PDGFD: variants seen among roughly 807,000 people sequenced by gnomAD.
PDGFD encodes platelet-derived growth factor D.
In PDGFD, 30 loss-of-function variants were observed where a neutral mutation model predicts 44.7. The ratio of observed to expected loss-of-function variants is 0.67; its 90% confidence interval spans 0.50 to 0.91. The LOEUF (loss-of-function observed/expected upper bound fraction) is 0.91, where lower values mean the gene tolerates loss of function less well. Among genes scored for constraint, PDGFD ranks in the 40% least tolerant of loss-of-function variants. The probability of loss-of-function intolerance (pLI) is 0.00; values close to 1 mark genes in which losing one functional copy is unlikely to be tolerated. For synonymous variants in PDGFD, 173 were observed against 168.4 expected (o/e 1.03, Z -0.21); for missense variants, 445 against 457.8 (o/e 0.97, Z 0.25).
In PDGFD at chr11:104,162,860, T is replaced by C. The variant is rs143719676; in HGVS notation, c.124+944A>G. 3.3e-5 allele frequency among the ~76,000 whole-genome samples: 5 copies of C among 152,230 alleles called. No homozygotes were observed. In the East Asian group the frequency reaches 9.7e-4, roughly 29 times the overall value. ...ACTTTAAGCAAGCAGGAGAGAAAGA[T>C]ACTGATGTAGGAAAAAACAAGATCC... is the stretch of plus-strand genomic sequence containing the variant. On this transcript the variant is annotated intron_variant, in intron 1 of 6. Coordinates refer to ENST00000393158, the MANE Select transcript of PDGFD (RefSeq NM_025208.5).
intron 1 of PDGFD, among the ~76,000 whole-genome samples, chr11:104,004,747 G>C (rs1262776022): frequency 6.6e-6 from 1 of 151,878 alleles, no homozygotes; most frequent in Non-Finnish European, 1.5e-5. Flanking sequence ...TTTGTGCCTG[G>C]CATTGTTCTA....
At chr11:104,036,277 T>G (rs192992818) in intron 1 of PDGFD, among the ~76,000 whole-genome samples, 1 of 150,544 alleles carries the variant, frequency 6.6e-6, no homozygotes, top group East Asian at 2.0e-4. Context: ...CCAAATCTAT[T>G]AAAAAAAAAT....
chr11:103,917,094 A>C (rs1053763042), intron 6 of PDGFD, among the ~76,000 whole-genome samples: 2 of 151,966 alleles, frequency 1.3e-5, no homozygotes, highest in African/African-American at 4.8e-5. Flanking sequence ...TAAAAAAAAA[A>C]CACACAACAT....
At chr11:103,938,473 G>A (rs1458547669) in intron 5 of PDGFD, among the ~76,000 whole-genome samples, 1 of 152,104 alleles carries the variant, frequency 6.6e-6, no homozygotes, top group Non-Finnish European at 1.5e-5. Context: ...CAAATGAGTA[G>A]GTTGCAAAAA....
chr11:104,001,992 G>A (rs1859626919), intron 1 of PDGFD, among the ~76,000 whole-genome samples: 1 of 152,188 alleles, frequency 6.6e-6, no homozygotes, highest in Non-Finnish European at 1.5e-5. Flanking sequence ...GCTAGACTTT[G>A]TGTGGGAGAC....
intron 3 of PDGFD, among the ~76,000 whole-genome samples, chr11:103,963,286 C>T (rs901632117): frequency 1.3e-5 from 2 of 152,084 alleles, no homozygotes; most frequent in Admixed American, 6.6e-5. Flanking sequence ...GCTTTAACAC[C>T]TCCTATCTCA....
At chr11:103,992,310 A>G (rs186317906) in intron 3 of PDGFD, among the ~76,000 whole-genome samples, 1 of 152,294 alleles carries the variant, frequency 6.6e-6, no homozygotes, top group East Asian at 1.9e-4. Flanking sequence ...TAGGAATGAG[A>G]TACACATCCC....
chr11:104,096,797 T>C (rs944857667), intron 1 of PDGFD, among the ~76,000 whole-genome samples: 1 of 152,134 alleles, frequency 6.6e-6, no homozygotes, highest in Non-Finnish European at 1.5e-5. Flanking sequence ...AAAGAAGATA[T>C]CAATGGTACA....
chr11:103,987,915 T>A (rs1046818173), intron 3 of PDGFD, among the ~76,000 whole-genome samples: 1 of 152,182 alleles, frequency 6.6e-6, no homozygotes, highest in African/African-American at 2.4e-5. Context: ...AAATACTCCA[T>A]GCACATTTTA....
At chr11:104,087,087 G>A (rs911981404) in intron 1 of PDGFD, among the ~76,000 whole-genome samples, 5 of 144,474 alleles carry the variant, frequency 3.5e-5, no homozygotes, top group Admixed American at 1.4e-4. Flanking sequence ...GTGCAGTGGC[G>A]CAATCTCAGC....
chr11:103,956,162 T>C (rs1479383211), intron 3 of PDGFD, among the ~76,000 whole-genome samples: 1 of 151,408 alleles, frequency 6.6e-6, no homozygotes, highest in Non-Finnish European at 1.5e-5. Flanking sequence ...GCTGCACCCA[T>C]TAACTCGTCA....
At chr11:104,111,459 T>C (rs1459051974) in intron 1 of PDGFD, among the ~76,000 whole-genome samples, 1 of 151,906 alleles carries the variant, frequency 6.6e-6, no homozygotes, top group Non-Finnish European at 1.5e-5. Context: ...GGTCCTGCCA[T>C]GTTGCTCAGA....
At chr11:104,005,051 G>T (rs1279939979) in intron 1 of PDGFD, among the ~76,000 whole-genome samples, 2 of 151,798 alleles carry the variant, frequency 1.3e-5, no homozygotes, top group Non-Finnish European at 2.9e-5. Context: ...GCTAATTTTT[G>T]TATTTTTAAT....
chr11:104,060,657 A>G (rs1860699188), intron 1 of PDGFD, among the ~76,000 whole-genome samples: 1 of 152,112 alleles, frequency 6.6e-6, no homozygotes, highest in South Asian at 2.1e-4. Context: ...AAAATGCTTG[A>G]TATCTTTTTA....
intron 1 of PDGFD, among the ~76,000 whole-genome samples, chr11:104,153,172 A>T (rs1862266996): frequency 6.6e-6 from 1 of 152,132 alleles, no homozygotes; most frequent in Non-Finnish European, 1.5e-5. Context: ...ACACAATTAA[A>T]GCAGAAACCT....
At chr11:104,163,185 C>G (rs891521922) in intron 1 of PDGFD, among the ~76,000 whole-genome samples, 1 of 152,126 alleles carries the variant, frequency 6.6e-6, no homozygotes, top group Admixed American at 6.5e-5. Flanking sequence ...AAGCCTTGGT[C>G]TCCTACACTC....
At chr11:104,034,260 T>G (rs1860180944) in intron 1 of PDGFD, among the ~76,000 whole-genome samples, 1 of 151,912 alleles carries the variant, frequency 6.6e-6, no homozygotes, top group Non-Finnish European at 1.5e-5. Flanking sequence ...GTGAGCTCCT[T>G]TAAGAATACA....
chr11:104,069,036 C>T (rs1591148072), intron 1 of PDGFD, among the ~76,000 whole-genome samples: 1 of 152,096 alleles, frequency 6.6e-6, no homozygotes, highest in Non-Finnish European at 1.5e-5. Context: ...TGTTACAAAC[C>T]TTATTCCGTG....
chr11:104,065,844 C>T lies in PDGFD; in HGVS notation c.125-65589G>A, dbSNP rs976275679. On this transcript the variant is annotated intron_variant, in intron 1 of 6. Coordinates refer to ENST00000393158, the MANE Select transcript of PDGFD (RefSeq NM_025208.5). The stretch of plus-strand genomic sequence containing the variant: ...CAAAACTTTGCTAAAATGCTGAATA[C>T]ATTTTCTAGTCCGTTCTAAGGGATC... 2.6e-5 allele frequency among the ~76,000 whole-genome samples: 4 copies of T among 152,094 alleles called. No individual in the cohort carries two copies. The East Asian group carries it at 7.7e-4, about 29-fold the overall frequency.
Sources: gnomAD v4.1 joint callset for allele counts (sites outside exome capture counted in the v4.1 genomes callset) on GRCh38, gnomAD v4.1.1 for gene constraint, MANE v1.5 for transcripts, NCBI Gene and HGNC (gene_info 2026-07-23, HGNC 2026-07-21) for gene names.